DDX55: variants seen among roughly 807,000 people sequenced by gnomAD.
DDX55 encodes DEAD-box helicase 55.
Under a neutral mutation model 69.2 loss-of-function variants are expected in DDX55, and 56 were observed. The ratio of observed to expected loss-of-function variants is 0.81; its 90% confidence interval spans 0.65 to 1.01. DDX55 has a LOEUF of 1.01. DDX55 is among the 50% of genes least tolerant of loss of function. The pLI is 0.00. For synonymous variants in DDX55, 268 were observed against 273.1 expected, an observed-to-expected ratio of 0.98 and a Z score of 0.18; for missense variants, 720 against 745.1, an observed-to-expected ratio of 0.97 and a Z score of 0.39.
intron 1 of DDX55, chr12:123,605,549 G>T (rs1303207624): frequency 1.2e-5 from 4 of 329,238 alleles, no homozygotes; most frequent in African/African-American, 2.1e-5. Flanking sequence ...CTAAAACCAG[G>T]TTTCTTTTAA....
intron 9 of DDX55, 136 bp from the exon 10 acceptor site, chr12:123,616,375 A>G: frequency 1.4e-6 from 1 of 738,208 alleles, no homozygotes; most frequent in Non-Finnish European, 2.2e-6. Context: ...AGAAAAAATC[A>G]AAATATTACC....
intron 5 of DDX55, 176 bp downstream of exon 5, chr12:123,607,838 C>G (rs1398486944): frequency 1.3e-6 from 1 of 778,156 alleles, no homozygotes; most frequent in Non-Finnish European, 2.1e-6. Context: ...TCCCATAAGG[C>G]CCTGATGAGA....
intron 1 of DDX55, among the ~76,000 whole-genome samples, chr12:123,604,242 C>T (rs908751485): frequency 9.9e-5 from 15 of 151,674 alleles, no homozygotes; most frequent in African/African-American, 1.9e-4. Flanking sequence ...CCCGCATCTT[C>T]GAAATTAAAA....
intron 6 of DDX55, 144 bp from the exon 7 acceptor site, chr12:123,609,795 T>C: frequency 1.1e-6 from 1 of 948,082 alleles, no homozygotes; most frequent in Non-Finnish European, 1.5e-6. Context: ...GAATCACCTA[T>C]AATCTCACCT....
At position 123,613,268 on chromosome 12, in the gene DDX55, C is replaced by CT. The variant is rs769085165; in HGVS notation, c.824+17dup. ...TCTTCTTCAGGTACTCCTCTGGTCTCTGTGGTAGAGGCATCAGGGATTCAG... is the reference window on the plus strand; with the variant it reads ...TCTTCTTCAGGTACTCCTCTGGTCTCTTGTGGTAGAGGCATCAGGGATTCAG... On this transcript the variant is annotated intron_variant, in intron 8 of 13. Transcript: ENST00000238146. The CT allele has an allele frequency of 1.5e-5, 24 of 1,612,940 alleles. No individual in the cohort carries two copies. The Middle Eastern group carries it at 4.9e-4, about 33-fold the overall frequency.
At chr12:123,618,446 C>A in intron 11 of DDX55, 1 of 1,385,492 alleles carries the variant, frequency 7.2e-7, no homozygotes, top group Non-Finnish European at 1.0e-6. Flanking sequence ...CCATACTTTG[C>A]TACCAGATTA....
intron 10 of DDX55, 121 bp from the exon 11 acceptor site, chr12:123,617,637 C>T (rs1954775290): frequency 1.4e-6 from 1 of 735,606 alleles, no homozygotes; most frequent in Admixed American, 3.1e-5. Context: ...CGAGTCCACA[C>T]TGAGCTGTGG....
At chr12:123,607,921 G>A (rs960947585) in intron 5 of DDX55, 1 of 531,458 alleles carries the variant, frequency 1.9e-6, no homozygotes, top group Non-Finnish European at 3.4e-6. Context: ...GGGGCTGGGG[G>A]ATGGTGAGGA....
At chr12:123,603,947 C>G (rs535926013) in intron 1 of DDX55, among the ~76,000 whole-genome samples, 5 of 152,126 alleles carry the variant, frequency 3.3e-5, no homozygotes, top group Admixed American at 6.5e-5. Flanking sequence ...GGGTTACAGG[C>G]ATACACCACC....
Position 123,608,807 on chromosome 12 carries a change from C to T in DDX55, c.529C>T (p.Leu177=). The T allele has an allele frequency of 1.2e-6, 2 of 1,614,060 alleles. No individual in the cohort carries two copies. The highest frequency in any genetic ancestry group is 1.7e-6 in the Non-Finnish European group (2 of 1,179,970). ...VLVLDEADRL[L]DMGFEASINT... ...GGTGTTGGATGAGGCAGACAGACTT[C>T]TGGACATGGGGTTTGAGGCAAGGTA... Residue 177 remains leucine (L), a synonymous_variant, in exon 6 of 14, where the codon CTG becomes TTG. Transcript: ENST00000238146.
intron 3 of DDX55, among the ~76,000 whole-genome samples, chr12:123,606,566 A>G (rs1360277778): frequency 6.7e-6 from 1 of 148,314 alleles, no homozygotes; most frequent in Non-Finnish European, 1.5e-5. Context: ...TCATTTATTT[A>G]GTGCCATGTT....
chr12:123,610,843 G>A (rs1954181775), intron 7 of DDX55, among the ~76,000 whole-genome samples: 1 of 151,040 alleles, frequency 6.6e-6, no homozygotes, highest in Non-Finnish European at 1.5e-5. Context: ...ACCTGCCTCG[G>A]CCTCCCAAAG....
Position 123,620,015 on chromosome 12 carries a change from C to T in DDX55, c.1678C>T (p.Leu560Phe), listed in dbSNP as rs1955027279. 6.2e-7 allele frequency: 1 copy of T among 1,613,994 alleles called. No homozygotes were observed. The highest frequency in any genetic ancestry group is 1.3e-5 in the African/African-American group (1 of 74,912). The change falls in exon 14 of 14, where the codon CTC becomes TTC. Residue 560 changes from leucine (L) to phenylalanine (F), a missense_variant. By Grantham distance (22) the Leu-to-Phe change is conservative. Transcript: ENST00000238146. ...GGAAGAACTTCTTAATGACACAAGA[C>T]TCTTGAAAAAACTTAAGAAAGGCAA... is the stretch of plus-strand genomic sequence containing the variant. ...DMEELLNDTR[L>F]LKKLKKGKIT...
intron 7 of DDX55, among the ~76,000 whole-genome samples, chr12:123,612,494 G>A (rs748491998): frequency 6.6e-6 from 1 of 152,260 alleles, no homozygotes; most frequent in South Asian, 2.1e-4. Context: ...TGGGGTCTGC[G>A]TCCATGGAGG....
At position 123,620,168 on chromosome 12, in the gene DDX55, G is replaced by A; in HGVS notation, c.*28G>A. 6.3e-7 allele frequency: 1 copy of A among 1,589,302 alleles called. No individual in the cohort carries two copies. Among genetic ancestry groups the A allele is most frequent in the Non-Finnish European group, 8.6e-7 (1 of 1,165,740 alleles). ...CCAGTGCCACAGATGAACCCACAAG[G>A]ACATAGCTGTTCCCTAACTTGGTGG... On this transcript the variant is annotated 3_prime_UTR_variant, in exon 14 of 14. Coordinates refer to ENST00000238146, the MANE Select transcript of DDX55 (RefSeq NM_020936.3).
Position 123,610,144 on chromosome 12 carries a change from T to C in DDX55, c.741+16T>C. ...CTACTACATGGTAAGCGCCTGGGCT[T>C]GCTTCTTACTCAGCGATAATGACCA... On this transcript the variant is annotated intron_variant, in intron 7 of 13. Coordinates refer to ENST00000238146, the MANE Select transcript of DDX55 (RefSeq NM_020936.3). 1.9e-6 allele frequency: 3 copies of C among 1,606,140 alleles called. No individual in the cohort carries two copies. Among genetic ancestry groups the C allele is most frequent in the South Asian group, 1.1e-5 (1 of 90,082 alleles).
At chr12:123,610,842 G>C (rs950190735) in intron 7 of DDX55, among the ~76,000 whole-genome samples, 3 of 149,918 alleles carry the variant, frequency 2.0e-5, no homozygotes, top group Non-Finnish European at 3.0e-5. Context: ...CACCTGCCTC[G>C]GCCTCCCAAA....
At chr12:123,606,466 C>T (rs943732085) in intron 3 of DDX55, among the ~76,000 whole-genome samples, 3 of 152,208 alleles carry the variant, frequency 2.0e-5, no homozygotes, top group Non-Finnish European at 4.4e-5. Flanking sequence ...ATTTAGAACA[C>T]CCCAGTGGAT....
At chr12:123,606,225 T>C in intron 3 of DDX55, 66 bp downstream of exon 3, 1 of 1,568,110 alleles carries the variant, frequency 6.4e-7, no homozygotes, top group Non-Finnish European at 8.6e-7. Flanking sequence ...ATTAAGAAGC[T>C]GGCTACAAAT....
Sources: gnomAD v4.1 joint callset for allele counts (sites outside exome capture counted in the v4.1 genomes callset) on GRCh38, gnomAD v4.1.1 for gene constraint, MANE v1.5 for transcripts, NCBI Gene and HGNC (gene_info 2026-07-23, HGNC 2026-07-21) for gene names.